Variants in XKR9 observed in about 807,000 individuals in gnomAD.
The protein encoded by XKR9 is XK-related protein 9.
A neutral mutation model predicts 32.0 loss-of-function variants in XKR9; 32 were observed. The ratio of observed to expected loss-of-function variants is 1.00; its 90% confidence interval spans 0.76 to 1.34. The LOEUF is 1.34. Among genes scored for constraint, XKR9 ranks in the 40% most tolerant of loss-of-function variants. XKR9 has a pLI of 0.00. For missense variants in XKR9, 546 were observed against 429.7 expected (o/e 1.27, Z -2.39); for synonymous variants, 168 against 143.4 (o/e 1.17, Z -1.22).
intron 4 of XKR9, among the ~76,000 whole-genome samples, chr8:70,726,171 TG>T (rs1453490807): frequency 6.6e-6 from 1 of 152,152 alleles, no homozygotes; most frequent in East Asian, 1.9e-4. Flanking sequence ...TAAGCTTGGT[TG>T]GAAGAATGGT....
At chr8:70,864,386 GTATGATTC>G in the XKR9 span, among the ~76,000 whole-genome samples, 1 of 152,158 alleles carries the variant, frequency 6.6e-6, no homozygotes, top group Non-Finnish European at 1.5e-5. Flanking sequence ...GATTATCCAT[GTATGATTC>G]TATGAGCATT....
At chr8:70,992,604 A>C in the XKR9 span, among the ~76,000 whole-genome samples, 1 of 152,236 alleles carries the variant, frequency 6.6e-6, no homozygotes, top group African/African-American at 2.4e-5. Context: ...TTCCTTTGTC[A>C]GATGACTTCC....
At chr8:71,062,131 G>A in the XKR9 span, among the ~76,000 whole-genome samples, 3 of 152,278 alleles carry the variant, frequency 2.0e-5, no homozygotes, top group South Asian at 2.1e-4. Context: ...TTACATCTGC[G>A]ATGATAGAGC....
At chr8:70,934,812 T>C in the XKR9 span, among the ~76,000 whole-genome samples, 4 of 151,914 alleles carry the variant, frequency 2.6e-5, no homozygotes, top group African/African-American at 7.2e-5. Flanking sequence ...ACAAATGTAG[T>C]TCCCCCAAAA....
chr8:70,869,051 C>T, the XKR9 span, among the ~76,000 whole-genome samples: 2 of 152,252 alleles, frequency 1.3e-5, no homozygotes, highest in African/African-American at 4.8e-5. Context: ...CATCCGAGAC[C>T]ACCTCAGCAC....
At chr8:70,805,046 A>G in the XKR9 span, among the ~76,000 whole-genome samples, 1 of 152,206 alleles carries the variant, frequency 6.6e-6, no homozygotes, top group Admixed American at 6.5e-5. Flanking sequence ...AAGAACCATA[A>G]TAAGCATGTA....
chr8:70,673,185 A>G (rs1029250717), intron 1 of XKR9, among the ~76,000 whole-genome samples: 3 of 152,196 alleles, frequency 2.0e-5, no homozygotes, highest in Admixed American at 6.5e-5. Context: ...TAGTAGTTTT[A>G]TAGTTTAAGG....
intron 2 of XKR9, among the ~76,000 whole-genome samples, chr8:70,789,127 A>G (rs1488750703): frequency 6.6e-6 from 1 of 152,060 alleles, no homozygotes; most frequent in African/African-American, 2.4e-5. Flanking sequence ...TGCCAATTTC[A>G]TTTACAACAA....
At chr8:70,951,332 G>A in the XKR9 span, among the ~76,000 whole-genome samples, 1 of 152,244 alleles carries the variant, frequency 6.6e-6, no homozygotes, top group Admixed American at 6.5e-5. Flanking sequence ...TAATTTCAGA[G>A]TTAGGAGGTC....
chr8:70,744,494 C>T (rs547949739), intron 2 of XKR9, among the ~76,000 whole-genome samples: 1 of 152,314 alleles, frequency 6.6e-6, no homozygotes, highest in South Asian at 2.1e-4. Context: ...CCAAAGTCCA[C>T]ACAGATCCAA....
the XKR9 span, among the ~76,000 whole-genome samples, chr8:70,844,037 C>T: frequency 6.6e-6 from 1 of 152,210 alleles, no homozygotes; most frequent in Non-Finnish European, 1.5e-5. Context: ...ACAAACTTGT[C>T]TGTGCCCCAC....
chr8:71,002,926 T>C, the XKR9 span, among the ~76,000 whole-genome samples: 1 of 152,228 alleles, frequency 6.6e-6, no homozygotes, highest in Non-Finnish European at 1.5e-5. Flanking sequence ...GTGGAGAGTC[T>C]AGCTGAGGGA....
intron 2 of XKR9, among the ~76,000 whole-genome samples, chr8:70,753,916 G>A (rs566931195): frequency 1.4e-5 from 2 of 146,354 alleles, no homozygotes; most frequent in South Asian, 4.4e-4. Context: ...TTCTGGCCAG[G>A]GCAATTAGGC....
the XKR9 span, among the ~76,000 whole-genome samples, chr8:70,798,649 T>G: frequency 6.6e-6 from 1 of 152,216 alleles, no homozygotes; most frequent in African/African-American, 2.4e-5. Flanking sequence ...GGAATGGTAT[T>G]TCCTAGGTCA....
At chr8:70,766,447 T>C (rs1807376847) in intron 2 of XKR9, among the ~76,000 whole-genome samples, 1 of 152,194 alleles carries the variant, frequency 6.6e-6, no homozygotes, top group African/African-American at 2.4e-5. Context: ...CACACTGATT[T>C]TGTATCCTGA....
chr8:71,038,841 GC>G, the XKR9 span, among the ~76,000 whole-genome samples: 1 of 121,180 alleles, frequency 8.3e-6, no homozygotes, highest in South Asian at 2.6e-4. Context: ...GTCTTGTACT[GC>G]CACCCAGGCT....
the XKR9 span, among the ~76,000 whole-genome samples, chr8:70,882,394 G>A: frequency 4.0e-5 from 6 of 151,648 alleles, no homozygotes; most frequent in South Asian, 1.2e-3. Flanking sequence ...CCCCTCTCCT[G>A]TTTCTAGTTA....
chr8:70,799,690 C>T, the XKR9 span, among the ~76,000 whole-genome samples: 1 of 151,994 alleles, frequency 6.6e-6, no homozygotes, highest in African/African-American at 2.4e-5. Context: ...AGAAATGCTA[C>T]TGATTTTTGT....
the XKR9 span, among the ~76,000 whole-genome samples, chr8:70,860,146 A>C: frequency 3.3e-5 from 5 of 152,308 alleles, no homozygotes; most frequent in African/African-American, 1.2e-4. Context: ...TTACCCTGAC[A>C]AACCCCTATC....
Sources: gnomAD v4.1 joint callset for allele counts (sites outside exome capture counted in the v4.1 genomes callset) on GRCh38, gnomAD v4.1.1 for gene constraint, MANE v1.5 for transcripts, NCBI Gene and HGNC (gene_info 2026-07-23, HGNC 2026-07-21) for gene names.